TTLL9: variants seen among roughly 807,000 people sequenced by gnomAD.
TTLL9 encodes probable tubulin polyglutamylase TTLL9.
In TTLL9, 47 loss-of-function variants were observed where a neutral mutation model predicts 65.6. The ratio of observed to expected loss-of-function variants is 0.72; its 90% CI spans 0.57 to 0.91. The LOEUF (loss-of-function observed/expected upper bound fraction) is 0.91, where lower values mean the gene tolerates loss of function less well. Ranked by LOEUF, TTLL9 falls within the 40% of genes least tolerant of loss-of-function variation. TTLL9 has a pLI of 0.00. For synonymous variants in TTLL9, 179 were observed against 204.8 expected, an observed-to-expected ratio of 0.87 and a Z score of 1.07; for missense variants, 537 against 568.8, an observed-to-expected ratio of 0.94 and a Z score of 0.57.
intron 14 of TTLL9, chr20:31,941,242 A>G (rs1049894706): frequency 2.7e-5 from 4 of 150,558 alleles, no homozygotes; most frequent in Non-Finnish European, 5.9e-5. Flanking sequence ...AAAAAAAAAA[A>G]AAGAAAATAG....
rs532941685 is a variant in TTLL9 at position 31,921,444 on chromosome 20, A to G, written c.573+1512A>G. Among the ~76,000 whole-genome samples the G allele has an allele frequency of 2.0e-5, 3 of 152,302 alleles. No individual in the cohort carries two copies. The South Asian group carries it at 6.2e-4, about 32-fold the overall frequency. ...TCCTCAGGGATCTAGAACTAGAAAT[A>G]CCATTTGACCCAGCCATCCCATTAC... is the stretch of plus-strand genomic sequence containing the variant. On this transcript the variant is annotated intron_variant, in intron 7 of 14. Transcript: ENST00000535842.
intron 9 of TTLL9, 58 bp downstream of exon 9, chr20:31,925,107 G>A: frequency 1.9e-6 from 3 of 1,582,354 alleles, no homozygotes; most frequent in African/African-American, 1.3e-5. Context: ...GCTGGGCTAG[G>A]GAGATGGGGG....
chr20:31,888,463 A>T (rs1393749254), intron 3 of TTLL9, among the ~76,000 whole-genome samples: 1 of 152,056 alleles, frequency 6.6e-6, no homozygotes, highest in African/African-American at 2.4e-5. Flanking sequence ...GGAATACCTG[A>T]GACTTTTTAT....
chr20:31,937,469 C>T lies in TTLL9; in HGVS notation c.1078C>T (p.Leu360Phe), dbSNP rs182501395. ...GGAAGACTATGAGCTCAAGACCTGC[C>T]TCCTGGAAGACACCCTGCATGTTGT... ...SQEDYELKTCLLEDTLHVVDM... is the reference protein window; with the variant it reads ...SQEDYELKTCFLEDTLHVVDM... Residue 360 changes from leucine to phenylalanine, a missense_variant, in exon 13 of 15, where the codon CTC (leucine) becomes TTC (phenylalanine). Leu to Phe is a conservative substitution (Grantham distance 22, BLOSUM62 0). Coordinates refer to ENST00000535842, the MANE Select transcript of TTLL9 (RefSeq NM_001008409.5). The T allele has an allele frequency of 6.2e-7, 1 of 1,613,926 alleles. No homozygotes were observed. The highest frequency in any genetic ancestry group is 2.2e-5 in the East Asian group (1 of 44,864).
chr20:31,883,845 G>A (rs1031803523), intron 2 of TTLL9, among the ~76,000 whole-genome samples: 1 of 152,144 alleles, frequency 6.6e-6, no homozygotes, highest in Non-Finnish European at 1.5e-5. Flanking sequence ...CTTAAAAGCT[G>A]AAATAGAGAA....
intron 4 of TTLL9, among the ~76,000 whole-genome samples, chr20:31,903,061 G>C (rs1467365658): frequency 6.6e-6 from 1 of 151,592 alleles, no homozygotes; most frequent in Non-Finnish European, 1.5e-5. Context: ...GGAGAGATGG[G>C]GTCTCATTAT....
intron 6 of TTLL9, among the ~76,000 whole-genome samples, chr20:31,916,910 A>G (rs1305966852): frequency 6.6e-6 from 1 of 152,214 alleles, no homozygotes; most frequent in Non-Finnish European, 1.5e-5. Flanking sequence ...GGTTTCCACC[A>G]ACTGCAAGGG....
At position 31,873,836 on chromosome 20, in the gene TTLL9, G is replaced by GAA. The variant is rs1379737193; in HGVS notation, c.69+2643_69+2644dup. On this transcript the variant is annotated intron_variant, in intron 2 of 14. Transcript: ENST00000535842. The stretch of plus-strand genomic sequence containing the variant: ...AGGAAGGAAGGAAGAAAGAAAGAAA[G>GAA]AAAGAAAGAAAGAAAGAAAGAAAGA... 4.6e-3 allele frequency among the ~76,000 whole-genome samples: 510 copies of GAA among 111,014 alleles called. 2 individuals are homozygous for GAA. The highest frequency in any genetic ancestry group is 0.016 in the African/African-American group (426 of 26,936). 72.8% of individuals were successfully genotyped at this position (111,014 alleles called of 152,430 possible).
At chr20:31,886,109 C>T (rs1188702779) in intron 2 of TTLL9, among the ~76,000 whole-genome samples, 2 of 152,218 alleles carry the variant, frequency 1.3e-5, no homozygotes, top group Non-Finnish European at 2.9e-5. Context: ...ATAACCCCAG[C>T]CATCACCTTG....
At chr20:31,876,083 A>G (rs1216882928) in intron 2 of TTLL9, among the ~76,000 whole-genome samples, 2 of 152,214 alleles carry the variant, frequency 1.3e-5, no homozygotes, top group African/African-American at 2.4e-5. Context: ...TATTCACTCA[A>G]TAGGTTTTGG....
intron 13 of TTLL9, among the ~76,000 whole-genome samples, chr20:31,937,870 A>G (rs758447863): frequency 6.6e-6 from 1 of 152,146 alleles, no homozygotes; most frequent in Non-Finnish European, 1.5e-5. Context: ...GTTAATTTAC[A>G]AAGATAATTT....
chr20:31,938,936 A>G (rs1419046218), intron 13 of TTLL9, among the ~76,000 whole-genome samples: 4 of 152,184 alleles, frequency 2.6e-5, no homozygotes, highest in Middle Eastern at 3.2e-3. Flanking sequence ...ACCAAGAGCA[A>G]GTAGGAGGAG....
chr20:31,889,908 T>G (rs2063260369), intron 3 of TTLL9, among the ~76,000 whole-genome samples: 1 of 151,904 alleles, frequency 6.6e-6, no homozygotes, highest in Non-Finnish European at 1.5e-5. Context: ...CCACTACAGC[T>G]CCAGCCTTCA....
chr20:31,885,505 G>T (rs1208445771), intron 2 of TTLL9, among the ~76,000 whole-genome samples: 1 of 152,202 alleles, frequency 6.6e-6, no homozygotes, highest in Non-Finnish European at 1.5e-5. Context: ...TTGAAAGCAT[G>T]AGAGAGGATT....
At chr20:31,911,831 CGTGTGTGTGTGTGTGT>C (rs55996863) in intron 6 of TTLL9, among the ~76,000 whole-genome samples, 3,294 of 142,302 alleles carry the variant, frequency 0.023, 74 homozygotes, top group Admixed American at 0.072. Flanking sequence ...TGTGTCTGTG[CGTGTGTGTGTGTGTGT>C]GTGTGTGTGT....
intron 2 of TTLL9, among the ~76,000 whole-genome samples, chr20:31,882,178 C>T (rs551598429): frequency 6.6e-6 from 1 of 152,274 alleles, no homozygotes; most frequent in East Asian, 1.9e-4. Context: ...GTGTTCCAAC[C>T]TTTGACCCCA....
At chr20:31,897,170 T>A (rs2063399574) in intron 3 of TTLL9, among the ~76,000 whole-genome samples, 1 of 152,234 alleles carries the variant, frequency 6.6e-6, no homozygotes, top group Non-Finnish European at 1.5e-5. Flanking sequence ...ATTTCTTTTT[T>A]GGGAGGTTTT....
intron 6 of TTLL9, among the ~76,000 whole-genome samples, chr20:31,910,352 A>C (rs2123507745): frequency 6.6e-6 from 1 of 152,352 alleles, no homozygotes; most frequent in African/African-American, 2.4e-5. Context: ...GGTGCTGAAG[A>C]CACAGCCCTC....
intron 3 of TTLL9, among the ~76,000 whole-genome samples, chr20:31,889,210 G>A (rs554000549): frequency 5.3e-5 from 8 of 152,178 alleles, no homozygotes; most frequent in Admixed American, 1.3e-4. Context: ...AAGAAAAAGA[G>A]TCTGGAGTGC....
Sources: gnomAD v4.1 joint callset for allele counts (sites outside exome capture counted in the v4.1 genomes callset) on GRCh38, gnomAD v4.1.1 for gene constraint, MANE v1.5 for transcripts, NCBI Gene and HGNC (gene_info 2026-07-23, HGNC 2026-07-21) for gene names.